ENTPD4: variants seen among roughly 807,000 people sequenced by gnomAD.
ENTPD4 encodes the protein Golgi UDPase.
ENTPD4 carries 60 observed loss-of-function variants against 79.1 expected under a neutral mutation model. That is an observed-to-expected ratio of 0.76 (90% CI 0.62 to 0.94). ENTPD4 has a LOEUF of 0.94. ENTPD4 is among the 40% of genes least tolerant of loss of function. The pLI is 0.00. For synonymous variants in ENTPD4, 276 were observed against 292.0 expected, an observed-to-expected ratio of 0.95 and a Z score of 0.56; for missense variants, 772 against 775.1, an observed-to-expected ratio of 1.00 and a Z score of 0.05.
chr8:23,456,728 A>C (rs1800965268), intron 1 of ENTPD4, among the ~76,000 whole-genome samples: 1 of 152,270 alleles, frequency 6.6e-6, no homozygotes. Flanking sequence ...ATGGTAACAC[A>C]AATAATATAA....
intron 3 of ENTPD4, among the ~76,000 whole-genome samples, chr8:23,448,206 C>T (rs1800796714): frequency 6.6e-6 from 1 of 152,126 alleles, no homozygotes. Flanking sequence ...ATAATTATTC[C>T]AGGACCTCTT....
At chr8:23,440,276 C>G (rs975659603) in intron 8 of ENTPD4, among the ~76,000 whole-genome samples, 3 of 152,150 alleles carry the variant, frequency 2.0e-5, no homozygotes, top group Admixed American at 6.5e-5. Flanking sequence ...AACTAGATGT[C>G]ATCTAAATAT....
At chr8:23,449,154 C>T (rs1297969047) in intron 2 of ENTPD4, among the ~76,000 whole-genome samples, 1 of 152,202 alleles carries the variant, frequency 6.6e-6, no homozygotes, top group Non-Finnish European at 1.5e-5. Context: ...GGTTACGACA[C>T]TTCTGGGTTT....
At chr8:23,435,572 T>C (rs944377373) in intron 10 of ENTPD4, 95 bp from the exon 11 acceptor site, 1 of 834,438 alleles carries the variant, frequency 1.2e-6, no homozygotes, top group Admixed American at 2.1e-5. Flanking sequence ...GTAACAAGCA[T>C]ATCCTTCCCA....
rs1563221571 is a variant in ENTPD4, at chr8:23,434,303, A to T, written c.1622+14T>A. On this transcript the variant is annotated intron_variant, in intron 12 of 12. Transcript: ENST00000358689. ...GCATCTTTTTGATTCTCGTTCCCAA[A>T]TTCACAGCCCTACCTTAATGGTAGA... 3.7e-6 allele frequency: 6 copies of T among 1,608,116 alleles called. No homozygotes were observed. The highest frequency in any genetic ancestry group is 5.1e-6 in the Non-Finnish European group (6 of 1,175,470).
chr8:23,429,530 T>C lies in ENTPD4; in HGVS notation c.*3396A>G, dbSNP rs12545040. The C allele has an allele frequency of 0.071, 69,862 of 985,168 alleles. 3,230 individuals carry two copies. The highest frequency in any genetic ancestry group is 0.28 in the East Asian group (2,439 of 8,822). 61.0% of individuals were successfully genotyped at this position (985,168 alleles called of 1,614,324 possible). On this transcript the variant is annotated 3_prime_UTR_variant, in exon 13 of 13. Coordinates refer to ENST00000358689, the MANE Select transcript of ENTPD4 (RefSeq NM_004901.5). ...ACCGCAGAGAATTCTAAAGCTGATT[T>C]TTTTCTTAAAGGATGAAAAACTCAT...
chr8:23,444,431 C>A, intron 5 of ENTPD4, 25 bp downstream of exon 5: 1 of 1,609,494 alleles, frequency 6.2e-7, no homozygotes, highest in Non-Finnish European at 8.5e-7. Context: ...CCCACCCTCA[C>A]CCTTGCCCTT....
chr8:23,453,271 A>C (rs1282556608), intron 1 of ENTPD4, among the ~76,000 whole-genome samples: 1 of 152,212 alleles, frequency 6.6e-6, no homozygotes. Context: ...TTAAAAGTTT[A>C]CACAAAAAGT....
At chr8:23,454,477 G>A (rs1800918685) in intron 1 of ENTPD4, among the ~76,000 whole-genome samples, 1 of 152,150 alleles carries the variant, frequency 6.6e-6, no homozygotes, top group South Asian at 2.1e-4. Flanking sequence ...AAATACTAAT[G>A]CCCAGAAAAT....
In ENTPD4 at chr8:23,439,898, GT is replaced by G; in HGVS notation, c.899del (p.Asn300ThrfsTer3). On this transcript the variant is annotated frameshift_variant, in exon 9 of 13. Transcript: ENST00000358689. LOFTEE classifies it high-confidence loss of function. The stretch of plus-strand genomic sequence containing the variant: ...ATCCCAAGTTAAATTCAGCTAACAA[GT>G]TTTTAGCTACTTCTTCCTGCAGACA... ...ASSQQEEVAK[N>X]LLAEFNLGCD... 6.2e-7 allele frequency: 1 copy of G among 1,613,940 alleles called. No homozygotes were observed. The highest frequency in any genetic ancestry group is 8.5e-7 in the Non-Finnish European group (1 of 1,179,780).
chr8:23,441,516 A>G (rs900292339), intron 8 of ENTPD4, 53 bp downstream of exon 8: 13 of 1,596,808 alleles, frequency 8.1e-6, no homozygotes, highest in Non-Finnish European at 1.1e-5. Flanking sequence ...AACGATGGAC[A>G]CACGTTAAAT....
chr8:23,456,831 G>A (rs912380724), intron 1 of ENTPD4, among the ~76,000 whole-genome samples: 2 of 152,202 alleles, frequency 1.3e-5, no homozygotes, highest in Non-Finnish European at 2.9e-5. Flanking sequence ...CCTGGGCTTT[G>A]AGTGTCTAAT....
intron 9 of ENTPD4, among the ~76,000 whole-genome samples, chr8:23,439,113 CTT>C (rs1800623511): frequency 6.6e-6 from 1 of 152,168 alleles, no homozygotes; most frequent in Non-Finnish European, 1.5e-5. Context: ...GTGCTATATA[CTT>C]ACACTTATAC....
At chr8:23,441,752 A>T in intron 7 of ENTPD4, 29 bp from the exon 8 acceptor site, 1 of 1,610,410 alleles carries the variant, frequency 6.2e-7, no homozygotes. Flanking sequence ...GTTCACTGGA[A>T]CAGAACTAAT....
intron 1 of ENTPD4, among the ~76,000 whole-genome samples, chr8:23,450,202 C>T (rs1371668327): frequency 2.0e-5 from 3 of 152,170 alleles, no homozygotes; most frequent in South Asian, 2.1e-4. Flanking sequence ...AGATGATAAT[C>T]GTCTGGTACT....
chr8:23,431,152 C>T lies in ENTPD4; in HGVS notation c.*1774G>A, dbSNP rs1171980305. ...GACAGAATTCCCTTGGTCTTCTCTT[C>T]TGATCCCTCAGCAGAACTGCCCCTA... On this transcript the variant is annotated 3_prime_UTR_variant, in exon 13 of 13. Transcript: ENST00000358689. 5.5e-6 allele frequency: 2 copies of T among 365,580 alleles called. No individual in the cohort carries two copies. The highest frequency in any genetic ancestry group is 6.4e-5 in the Admixed American group (1 of 15,516). 22.6% of individuals were successfully genotyped at this position (365,580 alleles called of 1,614,324 possible). A position where few individuals can be genotyped will look rare whatever the true frequency, so the allele number is the denominator to read the frequency against.
Position 23,431,007 on chromosome 8 carries a change from C to G in ENTPD4, c.*1919G>C. 1.0e-6 allele frequency: 1 copy of G among 982,234 alleles called. No homozygotes were observed. The highest frequency in any genetic ancestry group is 4.7e-5 in the South Asian group (1 of 21,206). 60.8% of individuals were successfully genotyped at this position (982,234 alleles called of 1,614,324 possible). A position where few individuals can be genotyped will look rare whatever the true frequency, so the allele number is the denominator to read the frequency against. ...CTGGGTCCCCAGGCTGCTGGTAACACGCTTTGAAATCCAGGTGAGGGAGCC... is the reference window on the plus strand; with the variant it reads ...CTGGGTCCCCAGGCTGCTGGTAACAGGCTTTGAAATCCAGGTGAGGGAGCC... On this transcript the variant is annotated 3_prime_UTR_variant, in exon 13 of 13. Transcript: ENST00000358689.
At chr8:23,443,167 T>TA (rs1360172335) in intron 6 of ENTPD4, among the ~76,000 whole-genome samples, 1 of 120,864 alleles carries the variant, frequency 8.3e-6, no homozygotes, top group African/African-American at 4.1e-5. Flanking sequence ...TGGCCCTAGC[T>TA]GGAAAAAAAA....
At chr8:23,446,112 G>A (rs3808529) in intron 4 of ENTPD4, among the ~76,000 whole-genome samples, 30 of 152,088 alleles carry the variant, frequency 2.0e-4, no homozygotes, top group Non-Finnish European at 3.7e-4. Context: ...TGTTATACAC[G>A]GAAGTCCATG....
Sources: allele counts gnomAD v4.1 joint callset (sites outside exome capture counted in the v4.1 genomes callset), GRCh38; gene constraint gnomAD v4.1.1; transcripts MANE v1.5; gene names NCBI Gene and HGNC (gene_info 2026-07-23, HGNC 2026-07-21).